CDH8: variants seen among roughly 807,000 people sequenced by gnomAD.
CDH8 encodes the protein cadherin-8.
CDH8 carries 17 observed loss-of-function variants against 68.1 expected under a neutral mutation model. The ratio of observed to expected loss-of-function variants is 0.25; its 90% CI spans 0.17 to 0.37. CDH8 has a LOEUF of 0.37. Among genes scored for constraint, CDH8 ranks in the 10% least tolerant of loss-of-function variants. The pLI, the probability that CDH8 is intolerant of heterozygous loss-of-function variation, is 1.00. For missense variants in CDH8, 763 were observed against 999.3 expected, an observed-to-expected ratio of 0.76 and a Z score of 3.19; for synonymous variants, 372 against 365.1, an observed-to-expected ratio of 1.02 and a Z score of -0.21.
At chr16:61,676,779 C>A (rs1050333854) in intron 10 of CDH8, among the ~76,000 whole-genome samples, 2 of 152,108 alleles carry the variant, frequency 1.3e-5, no homozygotes, top group South Asian at 2.1e-4. Context: ...TTGACATTGT[C>A]ATCCTAAAAA....
intron 10 of CDH8, among the ~76,000 whole-genome samples, chr16:61,703,657 A>G (rs927537245): frequency 2.6e-5 from 4 of 152,060 alleles, no homozygotes; most frequent in African/African-American, 9.7e-5. Context: ...TGGCGAACAC[A>G]GTGAAACGCC....
intron 2 of CDH8, among the ~76,000 whole-genome samples, chr16:61,981,740 T>C (rs1965535345): frequency 6.6e-6 from 1 of 152,040 alleles, no homozygotes; most frequent in African/African-American, 2.4e-5. Flanking sequence ...TCCTGGCAGA[T>C]GTGGGAGCAT....
chr16:61,804,338 T>C (rs1000528013), intron 7 of CDH8, among the ~76,000 whole-genome samples: 1 of 152,022 alleles, frequency 6.6e-6, no homozygotes, highest in Non-Finnish European at 1.5e-5. Context: ...GGGAAATTTA[T>C]AGCACTAAAT....
At chr16:61,663,257 C>T (rs1465416274) in intron 10 of CDH8, among the ~76,000 whole-genome samples, 3 of 152,044 alleles carry the variant, frequency 2.0e-5, no homozygotes, top group Non-Finnish European at 4.4e-5. Flanking sequence ...TATGTATGAA[C>T]TTTTATTCAG....
At chr16:61,671,969 G>T (rs958427891) in intron 10 of CDH8, among the ~76,000 whole-genome samples, 1 of 152,002 alleles carries the variant, frequency 6.6e-6, no homozygotes. Context: ...AATGTAATCT[G>T]ATACAATTCC....
chr16:61,701,560 T>G (rs1053069690), intron 10 of CDH8, among the ~76,000 whole-genome samples: 5 of 152,252 alleles, frequency 3.3e-5, no homozygotes, highest in Admixed American at 2.6e-4. Context: ...TAGGATAATG[T>G]AGAATAAATG....
chr16:61,745,638 G>T (rs1329668413), intron 8 of CDH8, among the ~76,000 whole-genome samples: 2 of 132,760 alleles, frequency 1.5e-5, no homozygotes, highest in South Asian at 2.4e-4. Flanking sequence ...CAAATCTTCT[G>T]TTTCAGTTGA....
intron 2 of CDH8, among the ~76,000 whole-genome samples, chr16:62,004,202 A>T (rs113627870): frequency 1.1e-4 from 17 of 152,328 alleles, no homozygotes; most frequent in African/African-American, 3.4e-4. Context: ...GTGAACTAGG[A>T]TATCACATCT....
intron 9 of CDH8, among the ~76,000 whole-genome samples, chr16:61,724,702 C>A (rs75685206): frequency 1.3e-5 from 2 of 150,608 alleles, no homozygotes; most frequent in Non-Finnish European, 3.0e-5. Flanking sequence ...ATGGCTCATT[C>A]GGTTTTTTGA....
intron 10 of CDH8, among the ~76,000 whole-genome samples, chr16:61,699,764 G>A (rs1964388308): frequency 1.3e-5 from 2 of 151,880 alleles, no homozygotes; most frequent in South Asian, 4.1e-4. Flanking sequence ...TAGCAGAGAT[G>A]GGGGTTTCAC....
intron 2 of CDH8, among the ~76,000 whole-genome samples, chr16:61,959,341 C>T (rs1007433521): frequency 7.2e-5 from 11 of 152,114 alleles, no homozygotes; most frequent in Non-Finnish European, 1.5e-4. Context: ...GTTTTCCTTT[C>T]TTCCACATCT....
At chr16:61,677,846 G>T (rs1963943395) in intron 10 of CDH8, among the ~76,000 whole-genome samples, 1 of 151,914 alleles carries the variant, frequency 6.6e-6, no homozygotes, top group Admixed American at 6.6e-5. Context: ...GGCCATGATG[G>T]GAAGGAAGGG....
In CDH8 at chr16:61,653,343, T is replaced by C; in HGVS notation, c.*265A>G. 1 of 1,230,898 alleles carries C rather than the reference T, an allele frequency of 8.1e-7. No individual in the cohort carries two copies. Among genetic ancestry groups the C allele is most frequent in the East Asian group, 3.4e-5 (1 of 29,222 alleles). 76.2% of individuals were successfully genotyped at this position (1,230,898 alleles called of 1,614,324 possible). ...TAGCCAGGATCCCAATCTTTGTCTG[T>C]GGTGGTCAGGTAAATATCAAATATC... is the stretch of plus-strand genomic sequence containing the variant. On this transcript the variant is annotated 3_prime_UTR_variant, in exon 12 of 12. Transcript: ENST00000577390.
chr16:61,973,044 G>C (rs1965370866), intron 2 of CDH8, among the ~76,000 whole-genome samples: 1 of 152,160 alleles, frequency 6.6e-6, no homozygotes, highest in Admixed American at 6.5e-5. Context: ...AACTACAGCT[G>C]ACCCTTGAAC....
At chr16:61,968,370 A>G (rs1015727749) in intron 2 of CDH8, among the ~76,000 whole-genome samples, 5 of 152,162 alleles carry the variant, frequency 3.3e-5, no homozygotes, top group South Asian at 2.1e-4. Context: ...CAGCTTAGGT[A>G]ATTATGCCCA....
chr16:61,901,363 T>C lies in CDH8; in HGVS notation c.363A>G (p.Ile121Met). The C allele has an allele frequency of 1.9e-6, 3 of 1,614,036 alleles. No homozygotes were observed. The highest frequency in any genetic ancestry group is 2.5e-6 in the Non-Finnish European group (3 of 1,179,944). The change falls in exon 3 of 12, where the codon ATA (isoleucine) becomes ATG (methionine). Residue 121 changes from isoleucine (I) to methionine (M), a missense_variant. By Grantham distance (10) the Ile-to-Met change is conservative. Around this residue, in one of 2 missense-constraint regions of CDH8, gnomAD observed 366 missense variants for 563.1 expected, o/e 0.65. Coordinates refer to ENST00000577390, the MANE Select transcript of CDH8 (RefSeq NM_001796.5). Reference protein sequence around the residue: ...INDVTGDIHAIKRLDREEKAE... With the variant: ...INDVTGDIHAMKRLDREEKAE... ...CCTTTTCCTCCCGGTCAAGTCTTTT[T>C]ATAGCATGGATATCTCCAGTTACAT...
At chr16:62,021,118 A>C in intron 2 of CDH8, 34 bp downstream of exon 2, 1 of 1,585,732 alleles carries the variant, frequency 6.3e-7, no homozygotes, top group South Asian at 1.1e-5. Flanking sequence ...CCACTAACAG[A>C]CCCTGAAATT....
intron 4 of CDH8, among the ~76,000 whole-genome samples, chr16:61,827,539 G>A (rs1962366856): frequency 6.6e-6 from 1 of 151,860 alleles, no homozygotes; most frequent in East Asian, 1.9e-4. Context: ...AAACAAAACT[G>A]TGATGTCTCT....
chr16:61,915,320 ATATAT>A (rs1423603190), intron 2 of CDH8, among the ~76,000 whole-genome samples: 1 of 152,146 alleles, frequency 6.6e-6, no homozygotes, highest in Non-Finnish European at 1.5e-5. Context: ...CCTATCCTAG[ATATAT>A]TATATTCATT....
Sources: allele counts gnomAD v4.1 joint callset (sites outside exome capture counted in the v4.1 genomes callset), GRCh38; gene constraint gnomAD v4.1.1; regional missense constraint gnomAD v4.1.1; transcripts MANE v1.5; gene names NCBI Gene and HGNC (gene_info 2026-07-23, HGNC 2026-07-21).